The following SOX6 variants were observed in gnomAD, a reference collection of about 807,000 sequenced individuals.
SOX6 encodes SRY-box transcription factor 6, also known as transcription factor SOX-6.
In SOX6, 11 loss-of-function variants were observed where a neutral mutation model predicts 97.8. The ratio of observed to expected loss-of-function variants is 0.11; its 90% confidence interval spans 0.07 to 0.19. SOX6 has a LOEUF of 0.19. Ranked by LOEUF, SOX6 falls within the 10% of genes least tolerant of loss-of-function variation. The probability of loss-of-function intolerance (pLI) is 1.00; values close to 1 mark genes in which losing one functional copy is unlikely to be tolerated. For synonymous variants in SOX6, 360 were observed against 371.4 expected, an observed-to-expected ratio of 0.97 and a Z score of 0.35; for missense variants, 810 against 1,039.5, an observed-to-expected ratio of 0.78 and a Z score of 3.04.
At chr11:16,026,439 G>C (rs1471686542) in intron 12 of SOX6, among the ~76,000 whole-genome samples, 3 of 152,130 alleles carry the variant, frequency 2.0e-5, no homozygotes, top group African/African-American at 4.8e-5. Context: ...GGCAGGGAAA[G>C]GATGCAGGGA....
chr11:16,092,375 G>A (rs980427794), intron 9 of SOX6, among the ~76,000 whole-genome samples: 3 of 151,924 alleles, frequency 2.0e-5, no homozygotes, highest in Admixed American at 2.0e-4. Flanking sequence ...GGATGTGACT[G>A]GTAAGTCTTA....
intron 1 of SOX6, among the ~76,000 whole-genome samples, chr11:16,443,757 G>T (rs116843787): frequency 6.6e-6 from 1 of 152,192 alleles, no homozygotes; most frequent in Non-Finnish European, 1.5e-5. Context: ...GATCATGCCT[G>T]TAATCCTAAC....
At chr11:16,434,337 T>C (rs911666807) in intron 1 of SOX6, 1 of 152,050 alleles carries the variant, frequency 6.6e-6, no homozygotes, top group Non-Finnish European at 1.5e-5. Context: ...TCGACCAAGA[T>C]TGTCAAAATT....
intron 1 of SOX6, among the ~76,000 whole-genome samples, chr11:16,384,148 A>G (rs1341197283): frequency 6.6e-6 from 1 of 151,974 alleles, no homozygotes; most frequent in Non-Finnish European, 1.5e-5. Flanking sequence ...ATTAACAGGA[A>G]CTATCTCTGA....
At chr11:16,548,577 A>G (rs1291699015) in intron 4 of SOX6, among the ~76,000 whole-genome samples, 2 of 152,162 alleles carry the variant, frequency 1.3e-5, no homozygotes, top group Non-Finnish European at 2.9e-5. Context: ...GATATCTCAA[A>G]TGCATACTCT....
chr11:16,327,566 C>A (rs1031766148), intron 2 of SOX6, among the ~76,000 whole-genome samples: 13 of 152,084 alleles, frequency 8.5e-5, no homozygotes, highest in African/African-American at 3.1e-4. Context: ...AGGAATACTA[C>A]CAATTCTTAT....
intron 3 of SOX6, chr11:16,312,844 A>G (rs1232317891): frequency 6.6e-6 from 1 of 152,226 alleles, no homozygotes; most frequent in Admixed American, 6.5e-5. Flanking sequence ...ATTTTATTAT[A>G]GCTGAAGAAT....
intron 2 of SOX6, among the ~76,000 whole-genome samples, chr11:16,734,369 G>T (rs1271776202): frequency 6.6e-6 from 1 of 152,158 alleles, no homozygotes; most frequent in East Asian, 1.9e-4. Flanking sequence ...TCATCTCATA[G>T]TCCACCACAG....
chr11:16,163,177 G>A (rs1246286279), intron 6 of SOX6, among the ~76,000 whole-genome samples: 1 of 152,174 alleles, frequency 6.6e-6, no homozygotes, highest in South Asian at 2.1e-4. Context: ...ATTACATGTT[G>A]TAAGACAAGT....
At chr11:16,327,667 C>T (rs898489466) in intron 2 of SOX6, among the ~76,000 whole-genome samples, 1 of 152,046 alleles carries the variant, frequency 6.6e-6, no homozygotes, top group African/African-American at 2.4e-5. Context: ...CCGACCATAC[C>T]TAGACAAGGA....
intron 3 of SOX6, among the ~76,000 whole-genome samples, chr11:16,628,861 A>G (rs374171787): frequency 1.1e-4 from 16 of 152,138 alleles, no homozygotes; most frequent in African/African-American, 3.4e-4. Context: ...ATTCCTAGAT[A>G]TTTCCTGGAT....
At chr11:16,546,155 C>T (rs1847618919) in intron 4 of SOX6, among the ~76,000 whole-genome samples, 1 of 151,632 alleles carries the variant, frequency 6.6e-6, no homozygotes, top group Admixed American at 6.6e-5. Context: ...AGGAGGAAAG[C>T]CTTTACCAAA....
intron 1 of SOX6, among the ~76,000 whole-genome samples, chr11:16,349,607 C>T (rs1269667749): frequency 6.8e-6 from 1 of 146,428 alleles, no homozygotes; most frequent in East Asian, 2.2e-4. Context: ...CAGAGCAAGG[C>T]TCTGTCAAAA....
intron 2 of SOX6, among the ~76,000 whole-genome samples, chr11:16,333,556 G>T (rs912318387): frequency 2.0e-5 from 3 of 151,774 alleles, no homozygotes; most frequent in Non-Finnish European, 4.4e-5. Flanking sequence ...CCCAAGATTA[G>T]CTTCCATTGA....
At chr11:16,188,844 C>T (rs1426578937) in intron 4 of SOX6, among the ~76,000 whole-genome samples, 1 of 152,022 alleles carries the variant, frequency 6.6e-6, no homozygotes, top group Non-Finnish European at 1.5e-5. Flanking sequence ...AGGTGGCTCG[C>T]CTTAGGTCAG....
chr11:16,118,035 T>C (rs560406710), intron 6 of SOX6, among the ~76,000 whole-genome samples: 2 of 152,186 alleles, frequency 1.3e-5, no homozygotes, highest in Non-Finnish European at 2.9e-5. Context: ...ATCCTATAGA[T>C]GAAGAAGTAA....
At chr11:16,103,039 A>G in intron 7 of SOX6, among the ~76,000 whole-genome samples, 1 of 152,126 alleles carries the variant, frequency 6.6e-6, no homozygotes, top group Non-Finnish European at 1.5e-5. Context: ...ACTTAATTAA[A>G]CTAAAAAGCT....
intron 3 of SOX6, among the ~76,000 whole-genome samples, chr11:16,295,807 A>C (rs1328940831): frequency 6.6e-6 from 1 of 152,108 alleles, no homozygotes; most frequent in African/African-American, 2.4e-5. Context: ...TTGCATTTCT[A>C]GTGTGTCAGC....
chr11:16,458,880 C>G (rs1217937683), intron 1 of SOX6, among the ~76,000 whole-genome samples: 1 of 152,016 alleles, frequency 6.6e-6, no homozygotes, highest in African/African-American at 2.4e-5. Flanking sequence ...GAGGTGAACT[C>G]TAATAACTTC....
Sources: allele counts gnomAD v4.1 joint callset (sites outside exome capture counted in the v4.1 genomes callset), GRCh38; gene constraint gnomAD v4.1.1; transcripts MANE v1.5; gene names NCBI Gene and HGNC (gene_info 2026-07-23, HGNC 2026-07-21).